Variants in ADGRG1 observed in about 807,000 individuals in gnomAD.
ADGRG1 encodes adhesion G protein-coupled receptor G1, also known as 7-transmembrane protein with no EGF-like N-terminal domains-1.
ADGRG1 carries 53 observed loss-of-function variants against 73.5 expected under a neutral mutation model. The observed-to-expected ratio is 0.72, with a 90% confidence interval of 0.58 to 0.91. ADGRG1 has a LOEUF of 0.91. Ranked by LOEUF, ADGRG1 falls within the 40% of genes least tolerant of loss-of-function variation. ADGRG1 has a pLI of 0.00. For synonymous variants in ADGRG1, 394 were observed against 374.4 expected, an observed-to-expected ratio of 1.05 and a Z score of -0.60; for missense variants, 795 against 871.8, an observed-to-expected ratio of 0.91 and a Z score of 1.11.
intron 1 of ADGRG1, chr16:57,629,021 C>G (rs4993022): frequency 1.6e-5 from 7 of 443,812 alleles, no homozygotes; most frequent in Admixed American, 6.5e-5. Flanking sequence ...TGTGACTGAG[C>G]GTTTGAGTGT....
At position 57,659,597 on chromosome 16, in the gene ADGRG1, G is replaced by A. The variant is rs1173717559; in HGVS notation, c.1471G>A (p.Gly491Arg). 1 of 1,614,048 alleles carries A rather than the reference G, an allele frequency of 6.2e-7. No homozygotes were observed. Residue 491 changes from glycine to arginine, a missense_variant, in exon 11 of 14, where the codon GGG becomes AGG. Physicochemically the swap from Gly to Arg is moderately radical, Grantham distance 125. Coordinates refer to ENST00000562631, the MANE Select transcript of ADGRG1 (RefSeq NM_201525.4). ...LTCLSWMGLE[G>R]YNLYRLVVEV... is the part of the protein sequence containing the mutation. ...CTGCCTTTCCTGGATGGGCCTCGAG[G>A]GGTACAACCTCTACCGACTCGTGGT...
chr16:57,655,385 A>C lies in ADGRG1; in HGVS notation c.769-14A>C, dbSNP rs754775941. 1 of 1,612,376 alleles carries C rather than the reference A, an allele frequency of 6.2e-7. No individual in the cohort carries two copies. Among genetic ancestry groups the C allele is most frequent in the Non-Finnish European group, 8.5e-7 (1 of 1,179,874 alleles). ...GGGTCCGCATTTGGCTGAGCCCTAA[A>C]GGGACCTCTGCAGGAGGAGCAGAGC... On this transcript the variant is annotated splice_polypyrimidine_tract_variant and intron_variant, in intron 5 of 13. Transcript: ENST00000562631.
intron 1 of ADGRG1, chr16:57,629,272 T>C (rs1239317094): frequency 1.3e-5 from 9 of 675,552 alleles, no homozygotes; most frequent in Non-Finnish European, 1.6e-5. Context: ...GGGAGGGGAC[T>C]GGGGCCCAAG....
chr16:57,639,373 C>CCAACGGTTGCCAGGG (rs587777312), intron 1 of ADGRG1: 8 of 985,316 alleles, frequency 8.1e-6, no homozygotes, highest in Admixed American at 1.2e-4. Context: ...CCTGCAGCTG[C>CCAACGGTTGCCAGGG]CAACGGTTGC....
upstream of ADGRG1, chr16:57,628,406 G>A (rs368552792): frequency 9.8e-5 from 49 of 498,178 alleles, no homozygotes; most frequent in East Asian, 1.1e-3. Flanking sequence ...CCTGGATGAG[G>A]GGTGAGGCTG....
In ADGRG1 at chr16:57,664,252, C is replaced by G. The variant is rs560501854; in HGVS notation, c.*670C>G. ...GGCCTCCTTGCTCCTTCGTTCACAG[C>G]TGGGGGTCCCCGATTCCAATGCTGT... On this transcript the variant is annotated 3_prime_UTR_variant, in exon 14 of 14. Transcript: ENST00000562631. 1.1e-4 allele frequency: 17 copies of G among 153,212 alleles called. No homozygotes were observed. The highest frequency in any genetic ancestry group is 4.1e-4 in the South Asian group (2 of 4,876). 9.5% of individuals were successfully genotyped at this position (153,212 alleles called of 1,614,324 possible).
chr16:57,631,307 C>G, intron 1 of ADGRG1: 1 of 985,790 alleles, frequency 1.0e-6, no homozygotes, highest in Non-Finnish European at 1.2e-6. Flanking sequence ...GGGACCACTG[C>G]GGACCGTCCT....
chr16:57,639,324 C>T (rs918485991), intron 1 of ADGRG1: 73 of 985,392 alleles, frequency 7.4e-5, no homozygotes, highest in East Asian at 2.3e-4. Flanking sequence ...TACGGAGCCA[C>T]GTTGCTTTGC....
intron 7 of ADGRG1, 42 bp from the exon 8 acceptor site, chr16:57,656,184 G>A (rs745554226): frequency 6.2e-7 from 1 of 1,613,668 alleles, no homozygotes; most frequent in Non-Finnish European, 8.5e-7. Flanking sequence ...TGGAGGGGTG[G>A]GGGGCTGTCA....
chr16:57,641,315 G>C, intron 1 of ADGRG1: 1 of 985,390 alleles, frequency 1.0e-6, no homozygotes, highest in Non-Finnish European at 1.2e-6. Context: ...TGACTGGTGT[G>C]TGCCCTGGCG....
rs560837202 is a variant in ADGRG1 at position 57,636,170 on chromosome 16, G to A, written c.-36+7368G>A. The A allele has an allele frequency of 1.6e-4, 160 of 985,304 alleles. 1 individual carries two copies. The African/African-American group carries it at 2.4e-3, about 15-fold the overall frequency. The allele number at this position is 985,304 out of a possible 1,614,324, so 61.0% of individuals were successfully genotyped here. A position where few individuals can be genotyped will look rare whatever the true frequency, so the allele number is the denominator to read the frequency against. On this transcript the variant is annotated intron_variant, in intron 1 of 13. Transcript: ENST00000562631. ...CTTTTCTTTGCACATCTGCTACCTG[G>A]GCTCCCCTTAGGCCCGAACCACAGG...
intron 6 of ADGRG1, 102 bp downstream of exon 6, chr16:57,655,632 G>A (rs2045524297): frequency 1.3e-6 from 2 of 1,590,928 alleles, no homozygotes; most frequent in Non-Finnish European, 1.7e-6. Flanking sequence ...GGGAGTCAAA[G>A]CCTTTCCTTG....
At chr16:57,622,441 C>T (rs1351139170) in intron 2 of ADGRG1, among the ~76,000 whole-genome samples, 5 of 152,124 alleles carry the variant, frequency 3.3e-5, no homozygotes, top group Non-Finnish European at 5.9e-5. Flanking sequence ...GAGCCACACT[C>T]GGAGGAGGGG....
chr16:57,659,361 C>T (rs1401297272), intron 10 of ADGRG1, 52 bp from the exon 11 acceptor site: 1 of 1,611,640 alleles, frequency 6.2e-7, no homozygotes, highest in East Asian at 2.2e-5. Context: ...TGTGGGCACA[C>T]TCCCCTCTCT....
intron 1 of ADGRG1, chr16:57,636,701 C>G (rs554468322): frequency 3.8e-5 from 37 of 985,036 alleles, no homozygotes; most frequent in Non-Finnish European, 4.5e-5. Flanking sequence ...GGGTTAGAGT[C>G]CCAGCTCCGT....
At chr16:57,653,143 GGGA>G in intron 3 of ADGRG1, 57 bp from the exon 4 acceptor site, 4 of 1,599,252 alleles carry the variant, frequency 2.5e-6, no homozygotes, top group Non-Finnish European at 2.5e-6. Flanking sequence ...GGGGCAGAAT[GGGA>G]GGGTCCTGGG....
intron 1 of ADGRG1, among the ~76,000 whole-genome samples, chr16:57,637,059 G>A (rs1286393383): frequency 1.3e-5 from 2 of 152,198 alleles, no homozygotes; most frequent in Non-Finnish European, 2.9e-5. Context: ...AAGACCCTGA[G>A]GTGTGTCTGA....
At chr16:57,662,894 C>T (rs956535586) in intron 13 of ADGRG1, 5 of 983,866 alleles carry the variant, frequency 5.1e-6, no homozygotes, top group African/African-American at 1.7e-5. Flanking sequence ...CAAGGCCAGC[C>T]TCCCATACAG....
upstream of ADGRG1, chr16:57,622,859 C>T (rs1419544429): frequency 4.1e-6 from 4 of 985,302 alleles, no homozygotes; most frequent in African/African-American, 3.5e-5. Context: ...CGGGGGTGGA[C>T]CTTGGAGGCC....
Sources: gnomAD v4.1 joint callset for allele counts (sites outside exome capture counted in the v4.1 genomes callset) on GRCh38, gnomAD v4.1.1 for gene constraint, MANE v1.5 for transcripts, NCBI Gene and HGNC (gene_info 2026-07-23, HGNC 2026-07-21) for gene names.